RUNX2: variants seen among roughly 807,000 people sequenced by gnomAD.
RUNX2 encodes RUNX family transcription factor 2, also known as runt-related transcription factor 2.
A neutral mutation model predicts 51.7 loss-of-function variants in RUNX2; 10 were observed. That is an observed-to-expected ratio of 0.19 (90% CI 0.12 to 0.33). The LOEUF (loss-of-function observed/expected upper bound fraction) is 0.33, where lower values mean the gene tolerates loss of function less well. Ranked by LOEUF, RUNX2 falls within the 10% of genes least tolerant of loss-of-function variation. The pLI is 1.00. For missense variants in RUNX2, 562 were observed against 691.3 expected (o/e 0.81, Z 2.10); for synonymous variants, 276 against 273.6 (o/e 1.01, Z -0.09).
chr6:45,351,033 G>A (rs1791906166), intron 2 of RUNX2, among the ~76,000 whole-genome samples: 1 of 152,088 alleles, frequency 6.6e-6, no homozygotes, highest in Admixed American at 6.5e-5. Flanking sequence ...AGAATCTAAT[G>A]CCTGATGATG....
At chr6:45,525,775 G>T (rs1183653337) in intron 7 of RUNX2, among the ~76,000 whole-genome samples, 1 of 151,978 alleles carries the variant, frequency 6.6e-6, no homozygotes, top group Non-Finnish European at 1.5e-5. Context: ...CGGGCAGTTT[G>T]CTTGAGCCCA....
intron 2 of RUNX2, among the ~76,000 whole-genome samples, chr6:45,351,814 T>A (rs76941713): frequency 6.6e-6 from 1 of 152,080 alleles, no homozygotes; most frequent in East Asian, 1.9e-4. Context: ...TTAACCCAAT[T>A]ATCTTTCTTT....
intron 2 of RUNX2, among the ~76,000 whole-genome samples, chr6:45,338,533 T>C (rs1284175794): frequency 1.3e-5 from 2 of 152,066 alleles, no homozygotes; most frequent in Non-Finnish European, 2.9e-5. Flanking sequence ...TAGCTGCCAG[T>C]AGGTAAAACA....
chr6:45,442,068 A>G (rs1798855513), intron 5 of RUNX2, among the ~76,000 whole-genome samples: 1 of 152,210 alleles, frequency 6.6e-6, no homozygotes, highest in African/African-American at 2.4e-5. Context: ...ACCCTATGGC[A>G]TCATTGATGT....
At chr6:45,340,081 T>C (rs1789437834) in intron 2 of RUNX2, among the ~76,000 whole-genome samples, 2 of 152,150 alleles carry the variant, frequency 1.3e-5, no homozygotes, top group Admixed American at 6.6e-5. Flanking sequence ...CACTTTACAG[T>C]GTTATACATG....
intron 2 of RUNX2, among the ~76,000 whole-genome samples, chr6:45,392,936 G>C (rs1011728594): frequency 1.3e-5 from 2 of 151,786 alleles, no homozygotes; most frequent in African/African-American, 2.4e-5. Flanking sequence ...TCTTTCTACT[G>C]GCATATCTTC....
At chr6:45,519,788 ATATGTGTGTGTGTGTGTGTGTG>A (rs1801442647) in intron 7 of RUNX2, among the ~76,000 whole-genome samples, 1 of 118,848 alleles carries the variant, frequency 8.4e-6, no homozygotes, top group Non-Finnish European at 1.7e-5. Context: ...ATATATATAT[ATATGTGTGTGTGTGTGTGTGTG>A]TGTGTGTGTG....
chr6:45,503,668 A>C (rs1024939647), intron 6 of RUNX2, among the ~76,000 whole-genome samples: 1 of 152,204 alleles, frequency 6.6e-6, no homozygotes. Context: ...CAAGGCTGAG[A>C]GGCCAGGACA....
intron 2 of RUNX2, among the ~76,000 whole-genome samples, chr6:45,372,845 T>G (rs960825409): frequency 6.6e-6 from 1 of 151,386 alleles, no homozygotes; most frequent in Non-Finnish European, 1.5e-5. Flanking sequence ...TGAGATGGAG[T>G]TTTGCTCTGT....
Position 45,550,320 on chromosome 6 carries a change from C to T in RUNX2, c.*3015C>T, listed in dbSNP as rs1056489140. The T allele has an allele frequency of 5.3e-5, 8 of 152,214 alleles. No homozygotes were observed. The highest frequency in any genetic ancestry group is 1.4e-4 in the African/African-American group (6 of 41,432). 9.4% of individuals were successfully genotyped at this position (152,214 alleles called of 1,614,324 possible). A position where few individuals can be genotyped will look rare whatever the true frequency, so the allele number is the denominator to read the frequency against. ...CTGAGAAACTCAACAGATTAACTAT[C>T]GTTTGCTCTTTAGACGGTCTCACTG... On this transcript the variant is annotated 3_prime_UTR_variant, in exon 9 of 9. Transcript: ENST00000647337.
intron 4 of RUNX2, among the ~76,000 whole-genome samples, chr6:45,433,856 T>C (rs1353068824): frequency 2.0e-5 from 3 of 152,198 alleles, no homozygotes; most frequent in African/African-American, 7.2e-5. Flanking sequence ...CTTCTTTTGA[T>C]GAAGTGTAAT....
At chr6:45,541,478 T>A (rs1036742772) in intron 7 of RUNX2, among the ~76,000 whole-genome samples, 1 of 152,232 alleles carries the variant, frequency 6.6e-6, no homozygotes, top group Non-Finnish European at 1.5e-5. Context: ...GTGTATTACA[T>A]GTTCCAATAG....
At chr6:45,395,992 T>G (rs1797573299) in intron 2 of RUNX2, among the ~76,000 whole-genome samples, 1 of 152,150 alleles carries the variant, frequency 6.6e-6, no homozygotes. Context: ...CAACCCACTA[T>G]ATTAATTAGT....
At chr6:45,403,213 T>A (rs929161634) in intron 2 of RUNX2, among the ~76,000 whole-genome samples, 1 of 151,330 alleles carries the variant, frequency 6.6e-6, no homozygotes, top group African/African-American at 2.4e-5. Context: ...TCTTCCATAC[T>A]TAATTGTTTG....
At chr6:45,400,132 A>G (rs1344960918) in intron 2 of RUNX2, among the ~76,000 whole-genome samples, 2 of 141,194 alleles carry the variant, frequency 1.4e-5, no homozygotes, top group Non-Finnish European at 3.1e-5. Context: ...GGAGGGAAGG[A>G]AGGAGGGAGG....
intron 2 of RUNX2, among the ~76,000 whole-genome samples, chr6:45,358,444 T>A (rs992461453): frequency 5.3e-5 from 8 of 152,200 alleles, no homozygotes; most frequent in African/African-American, 1.2e-4. Context: ...TGTAGACAAA[T>A]CCTTTCTTCT....
chr6:45,437,591 T>C (rs1326542816), intron 4 of RUNX2, among the ~76,000 whole-genome samples: 1 of 152,202 alleles, frequency 6.6e-6, no homozygotes, highest in South Asian at 2.1e-4. Flanking sequence ...TCTAAAATTG[T>C]CTGTGCTTGG....
intron 5 of RUNX2, among the ~76,000 whole-genome samples, chr6:45,480,192 G>A (rs1386460721): frequency 6.6e-6 from 1 of 152,212 alleles, no homozygotes; most frequent in East Asian, 1.9e-4. Flanking sequence ...TGGATAGGTG[G>A]ATAAACGCTA....
chr6:45,438,091 T>C, intron 5 of RUNX2, 40 bp downstream of exon 5: 9 of 1,257,714 alleles, frequency 7.2e-6, no homozygotes, highest in Non-Finnish European at 1.0e-5. Flanking sequence ...TAATAGAGTT[T>C]CCAGAGACCC....
Sources: gnomAD v4.1 joint callset for allele counts (sites outside exome capture counted in the v4.1 genomes callset) on GRCh38, gnomAD v4.1.1 for gene constraint, MANE v1.5 for transcripts, NCBI Gene and HGNC (gene_info 2026-07-23, HGNC 2026-07-21) for gene names.